ROBO1: variants seen among roughly 807,000 people sequenced by gnomAD.
The protein encoded by ROBO1 is roundabout homolog 1.
ROBO1 carries 149 observed loss-of-function variants against 195.9 expected under a neutral mutation model. The observed-to-expected ratio is 0.76, with a 90% CI of 0.67 to 0.87. ROBO1 has a LOEUF of 0.87. ROBO1 is among the 40% of genes least tolerant of loss of function. The pLI is 0.00. For synonymous variants in ROBO1, 816 were observed against 733.2 expected, an observed-to-expected ratio of 1.11 and a Z score of -1.82; for missense variants, 1,933 against 2,068.3, an observed-to-expected ratio of 0.93 and a Z score of 1.27.
intron 7 of ROBO1, 34 bp downstream of exon 7, chr3:78,717,241 T>G: frequency 6.6e-7 from 1 of 1,517,284 alleles, no homozygotes; most frequent in Middle Eastern, 1.8e-4. Flanking sequence ...AAATGCTGAG[T>G]TGACAAATCA....
intron 10 of ROBO1, among the ~76,000 whole-genome samples, chr3:78,671,689 T>C (rs1222341440): frequency 6.6e-6 from 1 of 152,110 alleles, no homozygotes; most frequent in African/African-American, 2.4e-5. Context: ...CTTCTTTGTC[T>C]TGGTTACCAG....
intron 2 of ROBO1, among the ~76,000 whole-genome samples, chr3:79,195,904 A>T (rs2081624268): frequency 6.6e-6 from 1 of 151,528 alleles, no homozygotes; most frequent in Non-Finnish European, 1.5e-5. Flanking sequence ...AAATGTCAGG[A>T]AAAGGAGGTT....
intron 5 of ROBO1, among the ~76,000 whole-genome samples, chr3:78,727,453 T>C (rs1003966644): frequency 3.4e-4 from 52 of 152,112 alleles, no homozygotes; most frequent in East Asian, 1.7e-3. Flanking sequence ...GGTGAAACCC[T>C]GTCTCCACTA....
chr3:78,813,922 G>C (rs931777087), intron 4 of ROBO1, among the ~76,000 whole-genome samples: 2 of 152,032 alleles, frequency 1.3e-5, no homozygotes, highest in Non-Finnish European at 2.9e-5. Flanking sequence ...AGTGGATCCA[G>C]AGTAATAATA....
chr3:78,940,468 C>T (rs942575521), intron 3 of ROBO1, among the ~76,000 whole-genome samples: 1 of 152,180 alleles, frequency 6.6e-6, no homozygotes, highest in Non-Finnish European at 1.5e-5. Context: ...TTCCCTGATC[C>T]ACCTGTCTAG....
At chr3:79,319,516 T>C (rs974209896) in intron 2 of ROBO1, among the ~76,000 whole-genome samples, 7 of 152,156 alleles carry the variant, frequency 4.6e-5, no homozygotes, top group African/African-American at 7.2e-5. Context: ...GATTCTTGTG[T>C]TATTGTTGAG....
At chr3:79,138,595 C>A (rs988941186) in intron 2 of ROBO1, among the ~76,000 whole-genome samples, 2 of 151,728 alleles carry the variant, frequency 1.3e-5, no homozygotes, top group Non-Finnish European at 2.9e-5. Flanking sequence ...GAAATAGAAT[C>A]TTATTTAACT....
intron 2 of ROBO1, among the ~76,000 whole-genome samples, chr3:79,294,076 A>AG (rs1192539067): frequency 3.3e-5 from 5 of 149,270 alleles, no homozygotes; most frequent in Non-Finnish European, 5.9e-5. Flanking sequence ...AAAAAAAAAA[A>AG]AAAAAAAGAA....
At chr3:79,383,922 A>G (rs1226806510) in intron 2 of ROBO1, among the ~76,000 whole-genome samples, 1 of 152,060 alleles carries the variant, frequency 6.6e-6, no homozygotes, top group Non-Finnish European at 1.5e-5. Flanking sequence ...ATTATACACC[A>G]AACTAATAAT....
chr3:79,210,469 T>C (rs1468890589), intron 2 of ROBO1, among the ~76,000 whole-genome samples: 2 of 152,094 alleles, frequency 1.3e-5, no homozygotes, highest in Admixed American at 1.3e-4. Flanking sequence ...GCCATATATA[T>C]GTTGTTTTTC....
Position 79,306,504 on chromosome 3 carries a change from T to C in ROBO1, c.89-180965A>G, listed in dbSNP as rs540637843. 2.2e-3 allele frequency among the ~76,000 whole-genome samples: 337 copies of C among 152,364 alleles called. 2 individuals carry two copies. The highest frequency in any genetic ancestry group is 3.6e-3 in the Non-Finnish European group (247 of 68,040). On this transcript the variant is annotated intron_variant, in intron 2 of 30. Coordinates refer to ENST00000464233, the MANE Select transcript of ROBO1 (RefSeq NM_002941.4). Reference sequence around the variant, plus strand: ...GGCCCTAACTGCCCTGGCAATCTTTTCCGTTTTTTTGTTTTCTGTTTTCCA... The same window carrying C: ...GGCCCTAACTGCCCTGGCAATCTTTCCCGTTTTTTTGTTTTCTGTTTTCCA...
intron 1 of ROBO1, among the ~76,000 whole-genome samples, chr3:79,688,497 A>C (rs1280701483): frequency 6.6e-6 from 1 of 152,014 alleles, no homozygotes; most frequent in Non-Finnish European, 1.5e-5. Flanking sequence ...TTTTTTGCCA[A>C]TATTCTAATC....
chr3:79,652,100 T>A (rs1946028069), intron 1 of ROBO1, among the ~76,000 whole-genome samples: 2 of 152,036 alleles, frequency 1.3e-5, no homozygotes, highest in African/African-American at 4.8e-5. Flanking sequence ...TATTATTGTT[T>A]TATTTTATAC....
chr3:79,746,704 T>G (rs1703891311), intron 1 of ROBO1, among the ~76,000 whole-genome samples: 1 of 152,038 alleles, frequency 6.6e-6, no homozygotes, highest in Non-Finnish European at 1.5e-5. Flanking sequence ...ATATTTTACT[T>G]CATTTGTAAG....
intron 1 of ROBO1, among the ~76,000 whole-genome samples, chr3:79,764,261 G>A (rs1441418486): frequency 6.6e-6 from 1 of 152,220 alleles, no homozygotes; most frequent in Non-Finnish European, 1.5e-5. Context: ...AGAATTAGGA[G>A]AATTGGCACT....
At chr3:78,964,330 C>T (rs2041562596) in intron 3 of ROBO1, among the ~76,000 whole-genome samples, 1 of 152,148 alleles carries the variant, frequency 6.6e-6, no homozygotes, top group Non-Finnish European at 1.5e-5. Flanking sequence ...AAAATTCAAC[C>T]CGTAACCATA....
intron 2 of ROBO1, among the ~76,000 whole-genome samples, chr3:79,141,940 T>C (rs2080536171): frequency 6.6e-6 from 1 of 152,162 alleles, no homozygotes; most frequent in Admixed American, 6.6e-5. Flanking sequence ...ATTATTTGTT[T>C]TTACTCTGTG....
At chr3:78,986,389 T>C (rs935903751) in intron 3 of ROBO1, among the ~76,000 whole-genome samples, 1 of 152,020 alleles carries the variant, frequency 6.6e-6, no homozygotes, top group African/African-American at 2.4e-5. Flanking sequence ...TAAAACCTTT[T>C]TTTTTTTCTT....
intron 1 of ROBO1, among the ~76,000 whole-genome samples, chr3:79,721,421 C>T (rs1022534318): frequency 3.3e-5 from 5 of 152,038 alleles, no homozygotes; most frequent in Admixed American, 3.3e-4. Context: ...TTATAAAACT[C>T]ATGAATCTTT....
Sources: gnomAD v4.1 joint callset for allele counts (sites outside exome capture counted in the v4.1 genomes callset) on GRCh38, gnomAD v4.1.1 for gene constraint, MANE v1.5 for transcripts, NCBI Gene and HGNC (gene_info 2026-07-23, HGNC 2026-07-21) for gene names.